The following PRLR variants were observed in gnomAD, a reference collection of about 807,000 sequenced individuals.
The protein encoded by PRLR is hPRL receptor.
A neutral mutation model predicts 40.2 loss-of-function variants in PRLR; 13 were observed. The ratio of observed to expected loss-of-function variants is 0.32; its 90% confidence interval spans 0.21 to 0.51. The LOEUF is 0.51. PRLR is among the 20% of genes least tolerant of loss of function. The probability of loss-of-function intolerance (pLI) is 0.97; values close to 1 mark genes in which losing one functional copy is unlikely to be tolerated. For missense variants in PRLR, 656 were observed against 747.3 expected (o/e 0.88, Z 1.42); for synonymous variants, 269 against 278.7 (o/e 0.97, Z 0.35).
At position 35,127,730 on chromosome 5, in the gene PRLR, C is replaced by A. The variant is rs184073810; in HGVS notation, c.-105-9608G>T. On this transcript the variant is annotated intron_variant, in intron 1 of 9. Coordinates refer to ENST00000618457, the MANE Select transcript of PRLR (RefSeq NM_000949.7). ...ACGAATAAACCTCAGAAAACAATATCGTAAGTGAAAGAAGCCAGGCACGAA... is the reference window on the plus strand; with the variant it reads ...ACGAATAAACCTCAGAAAACAATATAGTAAGTGAAAGAAGCCAGGCACGAA... 2.0e-3 allele frequency among the ~76,000 whole-genome samples: 311 copies of A among 152,192 alleles called. 1 individual carries two copies. Among genetic ancestry groups the A allele is most frequent in the African/African-American group, 7.3e-3 (301 of 41,500 alleles).
intron 2 of PRLR, among the ~76,000 whole-genome samples, chr5:35,104,191 C>T (rs1474483089): frequency 1.3e-5 from 2 of 152,158 alleles, no homozygotes; most frequent in East Asian, 3.9e-4. Flanking sequence ...CTCTCACCCT[C>T]CGTCCACATG....
chr5:35,066,428 T>G (rs1009324573), intron 9 of PRLR, among the ~76,000 whole-genome samples: 13 of 152,200 alleles, frequency 8.5e-5, no homozygotes, highest in African/African-American at 1.4e-4. Context: ...ACAGTGCTTA[T>G]GCATGCATCT....
intron 3 of PRLR, among the ~76,000 whole-genome samples, chr5:35,087,342 G>A (rs559996371): frequency 6.6e-6 from 1 of 151,808 alleles, no homozygotes; most frequent in African/African-American, 2.4e-5. Context: ...CTCACAGTCT[G>A]TCTCCTCATC....
intron 1 of PRLR, among the ~76,000 whole-genome samples, chr5:35,156,267 C>T (rs1375530918): frequency 6.6e-6 from 1 of 151,824 alleles, no homozygotes; most frequent in Non-Finnish European, 1.5e-5. Context: ...AATGCAATTT[C>T]CTCTCATTTT....
rs1199237315 is a variant in PRLR, at chr5:35,063,828, G to A, written c.*1261C>T. ...CCATTGATGAACAGGAGTCCCAGAG[G>A]AGCCTGAAACTCAAAGGAGAAATAA... On this transcript the variant is annotated 3_prime_UTR_variant, in exon 10 of 10. Transcript: ENST00000618457. 1 of 152,136 alleles carries A rather than the reference G, an allele frequency of 6.6e-6. No homozygotes were observed. The highest frequency in any genetic ancestry group is 6.5e-5 in the Admixed American group (1 of 15,274). The allele number at this position is 152,136 out of a possible 1,614,324, so 9.4% of individuals were successfully genotyped here.
At chr5:35,191,048 CTTTTTTTTTTT>C (rs869174221) in intron 1 of PRLR, among the ~76,000 whole-genome samples, 2 of 68,112 alleles carry the variant, frequency 2.9e-5, no homozygotes, top group African/African-American at 1.2e-4. Flanking sequence ...GTGTTATTTT[CTTTTTTTTTTT>C]TTTTTTTTTT....
intron 8 of PRLR, among the ~76,000 whole-genome samples, 153 bp from the exon 9 acceptor site, chr5:35,068,438 G>A (rs1246084588): frequency 6.6e-6 from 1 of 152,162 alleles, no homozygotes; most frequent in African/African-American, 2.4e-5. Flanking sequence ...TAAAATTACA[G>A]AGGCCTATAT....
Position 35,055,787 on chromosome 5 carries a change from A to G in PRLR, c.*9302T>C, listed in dbSNP as rs1768678706. On this transcript the variant is annotated 3_prime_UTR_variant, in exon 10 of 10. Coordinates refer to ENST00000618457, the MANE Select transcript of PRLR (RefSeq NM_000949.7). Reference sequence around the variant, plus strand: ...ATTTGCTCTGAAAAGGGACTGAAAAATGCATCATAAAGTTACATAGTTCAG... The same window carrying G: ...ATTTGCTCTGAAAAGGGACTGAAAAGTGCATCATAAAGTTACATAGTTCAG... 1 of 152,226 alleles carries G rather than the reference A, an allele frequency of 6.6e-6. No homozygotes were observed. The highest frequency in any genetic ancestry group is 2.4e-5 in the African/African-American group (1 of 41,464). The allele number at this position is 152,226 out of a possible 1,614,324, so 9.4% of individuals were successfully genotyped here. A position where few individuals can be genotyped will look rare whatever the true frequency, so the allele number is the denominator to read the frequency against.
At chr5:35,112,293 T>TA (rs1772708950) in intron 2 of PRLR, among the ~76,000 whole-genome samples, 1 of 152,046 alleles carries the variant, frequency 6.6e-6, no homozygotes, top group Non-Finnish European at 1.5e-5. Context: ...GATAAGTGGG[T>TA]AAAAGGCAAT....
intron 1 of PRLR, among the ~76,000 whole-genome samples, chr5:35,137,292 A>T (rs568589197): frequency 1.3e-5 from 2 of 152,362 alleles, no homozygotes; most frequent in Non-Finnish European, 2.9e-5. Flanking sequence ...TGTTTAAATA[A>T]GTCTGAACTT....
intron 4 of PRLR, among the ~76,000 whole-genome samples, 176 bp downstream of exon 4, chr5:35,086,032 T>TA (rs1770828709): frequency 3.9e-5 from 6 of 152,120 alleles, no homozygotes; most frequent in African/African-American, 1.4e-4. Context: ...GACACAGCTC[T>TA]TAACAGACAT....
intron 2 of PRLR, among the ~76,000 whole-genome samples, chr5:35,115,379 C>T (rs897053080): frequency 6.6e-6 from 1 of 152,162 alleles, no homozygotes; most frequent in Non-Finnish European, 1.5e-5. Flanking sequence ...CCCTTAGGTA[C>T]ATGTGTAGGT....
chr5:35,167,119 CA>C (rs796308735), intron 1 of PRLR, among the ~76,000 whole-genome samples: 19 of 150,876 alleles, frequency 1.3e-4, no homozygotes, highest in African/African-American at 4.6e-4. Context: ...CTAAAAATAA[CA>C]TCAATCTGTT....
intron 1 of PRLR, among the ~76,000 whole-genome samples, chr5:35,137,256 A>T (rs2111805318): frequency 6.6e-6 from 1 of 152,366 alleles, no homozygotes; most frequent in East Asian, 1.9e-4. Context: ...GTTGTAAGTG[A>T]CTGGACTGTA....
intron 2 of PRLR, among the ~76,000 whole-genome samples, chr5:35,098,399 C>A (rs997596765): frequency 6.6e-6 from 1 of 152,206 alleles, no homozygotes; most frequent in African/African-American, 2.4e-5. Flanking sequence ...GCTGCTGACT[C>A]ACAGTCCCCA....
Position 35,068,762 on chromosome 5 carries a change from G to C in PRLR, c.785+17C>G. 6.5e-7 allele frequency: 1 copy of C among 1,537,884 alleles called. No homozygotes were observed. Among genetic ancestry groups the C allele is most frequent in the Non-Finnish European group, 9.0e-7 (1 of 1,114,718 alleles). On this transcript the variant is annotated intron_variant, in intron 8 of 9. Transcript: ENST00000618457. ...ACTATCATGATTGGGAGGAAAAGTT[G>C]AGAGACAGTGAAGTACCTATAGCCC... is the stretch of plus-strand genomic sequence containing the variant.
At chr5:35,158,228 C>A (rs188319830) in intron 1 of PRLR, among the ~76,000 whole-genome samples, 8 of 152,280 alleles carry the variant, frequency 5.3e-5, no homozygotes, top group Admixed American at 5.2e-4. Flanking sequence ...TGCTCGTATG[C>A]CTGCTGTTTA....
chr5:35,146,569 C>T (rs1206461015), intron 1 of PRLR, among the ~76,000 whole-genome samples: 2 of 152,264 alleles, frequency 1.3e-5, no homozygotes, highest in South Asian at 2.1e-4. Flanking sequence ...TCATTGTCAT[C>T]GTTATAACTC....
chr5:35,057,655 A>T lies in PRLR; in HGVS notation c.*7434T>A, dbSNP rs755094842. 1 of 152,198 alleles carries T rather than the reference A, an allele frequency of 6.6e-6. No homozygotes were observed. Among genetic ancestry groups the T allele is most frequent in the Non-Finnish European group, 1.5e-5 (1 of 68,022 alleles). The allele number at this position is 152,198 out of a possible 1,614,324, so 9.4% of individuals were successfully genotyped here. On this transcript the variant is annotated 3_prime_UTR_variant, in exon 10 of 10. Coordinates refer to ENST00000618457, the MANE Select transcript of PRLR (RefSeq NM_000949.7). The stretch of plus-strand genomic sequence containing the variant: ...TAGGAGGAGATAAATGAATAAAACC[A>T]TGGAAAACAGAGAGCACAATGTGCC...
Sources: allele counts gnomAD v4.1 joint callset (sites outside exome capture counted in the v4.1 genomes callset), GRCh38; gene constraint gnomAD v4.1.1; transcripts MANE v1.5; gene names NCBI Gene and HGNC (gene_info 2026-07-23, HGNC 2026-07-21).